The following DYSF variants were observed in gnomAD, a reference collection of about 807,000 sequenced individuals.
The protein encoded by DYSF is dystrophy-associated fer-1-like 1.
A neutral mutation model predicts 274.9 loss-of-function variants in DYSF; 212 were observed. The ratio of observed to expected loss-of-function variants is 0.77; its 90% CI spans 0.69 to 0.86. The LOEUF is 0.86. Ranked by LOEUF, DYSF falls within the 40% of genes least tolerant of loss-of-function variation. The probability of loss-of-function intolerance (pLI) is 0.00; values close to 1 mark genes in which losing one functional copy is unlikely to be tolerated. For missense variants in DYSF, 2,666 were observed against 2,783.2 expected (o/e 0.96, Z 0.95); for synonymous variants, 1,091 against 1,078.7 (o/e 1.01, Z -0.22).
intron 42 of DYSF, among the ~76,000 whole-genome samples, chr2:71,653,701 C>T (rs1380247902): frequency 3.3e-5 from 5 of 151,236 alleles, no homozygotes; most frequent in East Asian, 2.0e-4. Context: ...AGGAGATACA[C>T]CTAATGTTAA....
At position 71,574,079 on chromosome 2, in the gene DYSF, A is replaced by C. The variant is rs1173534898; in HGVS notation, c.3229-119A>C. 3 of 1,269,470 alleles carry C rather than the reference A, an allele frequency of 2.4e-6. No individual in the cohort carries two copies. The African/African-American group carries it at 4.4e-5, about 18-fold the overall frequency. 78.6% of individuals were successfully genotyped at this position (1,269,470 alleles called of 1,614,324 possible). The stretch of plus-strand genomic sequence containing the variant: ...TCCCAGGTTTTCCCACCTGGAGGGC[A>C]CTAGTGTGGGAGCTGGTGGGGAGTT... On this transcript the variant is annotated intron_variant, in intron 29 of 55. Transcript: ENST00000410020.
intron 41 of DYSF, among the ~76,000 whole-genome samples, chr2:71,621,493 TA>T (rs1413800569): frequency 1.3e-5 from 2 of 152,260 alleles, no homozygotes; most frequent in East Asian, 3.9e-4. Context: ...TTGATGTGCC[TA>T]GATTTTTTAG....
At chr2:71,523,543 CTTT>C (rs10718722) in intron 12 of DYSF, among the ~76,000 whole-genome samples, 189 of 96,368 alleles carry the variant, frequency 2.0e-3, no homozygotes, top group African/African-American at 7.1e-3. Context: ...CACCAGTCAT[CTTT>C]TTTTTTTTTT....
At chr2:71,576,343 C>A (rs887388296) in intron 30 of DYSF, 1 of 152,422 alleles carries the variant, frequency 6.6e-6, no homozygotes, top group Non-Finnish European at 1.5e-5. Context: ...CTGGTCAGAG[C>A]TAGGCTTTAG....
At chr2:71,603,999 G>GC (rs2093603226) in intron 36 of DYSF, among the ~76,000 whole-genome samples, 1 of 152,180 alleles carries the variant, frequency 6.6e-6, no homozygotes, top group Non-Finnish European at 1.5e-5. Context: ...AGCACCGAGT[G>GC]CCCCCTGCAG....
rs138640833 is a variant in DYSF, at chr2:71,537,454, C to T, written c.1494-1703C>T. On this transcript the variant is annotated intron_variant, in intron 16 of 55. Coordinates refer to ENST00000410020, the MANE Select transcript of DYSF (RefSeq NM_001130987.2). ...AGAAACGGGGCTTCATCATGTTGGC[C>T]AGGCTGGTCTTGAACTCCTGATCTC... 9.4e-3 allele frequency among the ~76,000 whole-genome samples: 1,436 copies of T among 152,122 alleles called. 25 individuals are homozygous for T. Among genetic ancestry groups the T allele is most frequent in the African/African-American group, 0.033 (1,365 of 41,490 alleles).
intron 54 of DYSF, 127 bp downstream of exon 54, chr2:71,681,237 T>C (rs2095292948): frequency 2.4e-6 from 2 of 822,812 alleles, no homozygotes; most frequent in East Asian, 5.3e-5. Flanking sequence ...GGGGCACGAC[T>C]CATCCAAGGC....
At chr2:71,563,111 C>G (rs935099863) in intron 23 of DYSF, among the ~76,000 whole-genome samples, 1 of 152,196 alleles carries the variant, frequency 6.6e-6, no homozygotes, top group Non-Finnish European at 1.5e-5. Context: ...TGAAAATATG[C>G]ATTTCTAACA....
chr2:71,680,588 A>C (rs1013554907), intron 53 of DYSF, among the ~76,000 whole-genome samples: 4 of 152,266 alleles, frequency 2.6e-5, no homozygotes, highest in South Asian at 2.1e-4. Context: ...AGTTTACTAA[A>C]TAATTATGGT....
At chr2:71,507,134 A>G (rs1484896604) in intron 4 of DYSF, among the ~76,000 whole-genome samples, 2 of 152,126 alleles carry the variant, frequency 1.3e-5, no homozygotes, top group East Asian at 3.9e-4. Flanking sequence ...GGCACTGGGC[A>G]CGGTGTGGAA....
rs2152642995 is a variant in DYSF at position 71,466,794 on chromosome 2, C to T, written c.-49C>T. The T allele has an allele frequency of 2.1e-6, 3 of 1,459,480 alleles. No individual in the cohort carries two copies. Among genetic ancestry groups the T allele is most frequent in the East Asian group, 5.4e-5 (2 of 37,306 alleles). The allele number at this position is 1,459,480 out of a possible 1,614,324, so 90.4% of individuals were successfully genotyped here. On this transcript the variant is annotated 5_prime_UTR_variant, in exon 1 of 56. Transcript: ENST00000410020. ...GGGTGGGTGCTCGGGCCCGGTGCTC[C>T]CGCTCCCGCCCTGACTGCGCGCCTG... is the stretch of plus-strand genomic sequence containing the variant.
At chr2:71,592,749 T>C (rs2093304625) in intron 32 of DYSF, among the ~76,000 whole-genome samples, 1 of 152,198 alleles carries the variant, frequency 6.6e-6, no homozygotes, top group South Asian at 2.1e-4. Flanking sequence ...TCTCTGGGCC[T>C]TTCCCCGGGG....
At chr2:71,610,128 A>G (rs11899440) in intron 36 of DYSF, among the ~76,000 whole-genome samples, 26,887 of 152,140 alleles carry the variant, frequency 0.18, 5,039 homozygotes, top group African/African-American at 0.48. Flanking sequence ...CAATTTCCCA[A>G]TAGGTGGCAG....
intron 3 of DYSF, among the ~76,000 whole-genome samples, chr2:71,497,849 C>A (rs2152707117): frequency 6.6e-6 from 1 of 152,304 alleles, no homozygotes; most frequent in Non-Finnish European, 1.5e-5. Context: ...TGTGAGCGTG[C>A]ATTCTTCTAA....
At chr2:71,482,340 C>G (rs1185950556) in intron 3 of DYSF, among the ~76,000 whole-genome samples, 1 of 152,216 alleles carries the variant, frequency 6.6e-6, no homozygotes, top group East Asian at 1.9e-4. Flanking sequence ...AGGGCAGAGG[C>G]CCCCTGCAGG....
chr2:71,551,228 G>A lies in DYSF; in HGVS notation c.1692+72G>A, dbSNP rs888525964. 17 of 1,511,284 alleles carry A rather than the reference G, an allele frequency of 1.1e-5. No homozygotes were observed. In the African/African-American group the frequency reaches 2.2e-4, roughly 20 times the overall value. The allele number at this position is 1,511,284 out of a possible 1,614,324, so 93.6% of individuals were successfully genotyped here. A position where few individuals can be genotyped will look rare whatever the true frequency, so the allele number is the denominator to read the frequency against. On this transcript the variant is annotated intron_variant, in intron 18 of 55. Transcript: ENST00000410020. ...GTCCCTCAGGAGCCCAGGCCTGCAT[G>A]CAGGGTCTTCCAGCCCCTCCTGGGG...
At chr2:71,684,918 G>C (rs1378942560) in intron 55 of DYSF, among the ~76,000 whole-genome samples, 1 of 152,166 alleles carries the variant, frequency 6.6e-6, no homozygotes, top group East Asian at 1.9e-4. Context: ...GGGGAGCACT[G>C]TCATCTTCCC....
chr2:71,679,189 G>T lies in DYSF; in HGVS notation c.6017G>T (p.Gly2006Val). Reference sequence around the variant, plus strand: ...CTTTTTGAGCAGAAAACAGTGAAGGGCTGGTGGCCCTGTGTAGCAGAAGAG... The same window carrying T: ...CTTTTTGAGCAGAAAACAGTGAAGGTCTGGTGGCCCTGTGTAGCAGAAGAG... Reference protein sequence around the residue: ...VSLFEQKTVKGWWPCVAEEGE... With the variant: ...VSLFEQKTVKVWWPCVAEEGE... Residue 2006 changes from glycine (G) to valine (V), a missense_variant, in exon 53 of 56, where the codon GGC (glycine) becomes GTC (valine). Physicochemically the swap from Gly to Val is moderately radical, Grantham distance 109 (BLOSUM62 -3). Around this residue, in one of 3 missense-constraint regions of DYSF, gnomAD observed 1,460 missense variants for 1,502.1 expected, o/e 0.97. Coordinates refer to ENST00000410020, the MANE Select transcript of DYSF (RefSeq NM_001130987.2). The T allele has an allele frequency of 6.2e-7, 1 of 1,614,086 alleles. No homozygotes were observed. The highest frequency in any genetic ancestry group is 8.5e-7 in the Non-Finnish European group (1 of 1,179,960).
At chr2:71,551,192 C>T (rs767058582) in intron 18 of DYSF, 36 bp downstream of exon 18, 25 of 1,604,142 alleles carry the variant, frequency 1.6e-5, no homozygotes, top group Non-Finnish European at 2.0e-5. Flanking sequence ...GGCAGGATGC[C>T]AGATGCCCAG....
Sources: allele counts gnomAD v4.1 joint callset (sites outside exome capture counted in the v4.1 genomes callset), GRCh38; gene constraint gnomAD v4.1.1; regional missense constraint gnomAD v4.1.1; transcripts MANE v1.5; gene names NCBI Gene and HGNC (gene_info 2026-07-23, HGNC 2026-07-21).